Variants in DAAM1 observed in about 807,000 individuals in gnomAD.
DAAM1 encodes disheveled-associated activator of morphogenesis 1.
Under a neutral mutation model 130.0 loss-of-function variants are expected in DAAM1, and 52 were observed. That is an observed-to-expected ratio of 0.40 (90% CI 0.32 to 0.50). DAAM1 has a LOEUF of 0.50. Among genes scored for constraint, DAAM1 ranks in the 20% least tolerant of loss-of-function variants. The pLI is 0.61. For missense variants in DAAM1, 1,134 were observed against 1,303.8 expected (o/e 0.87, Z 2.01); for synonymous variants, 452 against 444.5 (o/e 1.02, Z -0.21).
chr14:59,232,633 C>T (rs1594770567), intron 1 of DAAM1, among the ~76,000 whole-genome samples: 1 of 146,694 alleles, frequency 6.8e-6, no homozygotes, highest in Non-Finnish European at 1.5e-5. Flanking sequence ...AAAATTTTCT[C>T]TTTTTTTTTT....
At position 59,263,481 on chromosome 14, in the gene DAAM1, G is replaced by A. The variant is rs751022396; in HGVS notation, c.4G>A (p.Ala2Thr). The A allele has an allele frequency of 3.1e-6, 5 of 1,614,182 alleles. No homozygotes were observed. The highest frequency in any genetic ancestry group is 2.2e-5 in the East Asian group (1 of 44,884). The change falls in exon 2 of 25, where the codon GCC becomes ACC. Residue 2 changes from alanine to threonine, a missense_variant. Coordinates refer to ENST00000360909, the MANE Select transcript of DAAM1 (RefSeq NM_001270520.2). M[A>T]PRKRGGRGIS... Reference sequence around the variant, plus strand: ...AGAAATAGAACAGAATTCAGCCATGGCCCCAAGAAAGAGAGGTGGACGAGG... The same window carrying A: ...AGAAATAGAACAGAATTCAGCCATGACCCCAAGAAAGAGAGGTGGACGAGG...
At position 59,363,608 on chromosome 14, in the gene DAAM1, T is replaced by C. The variant is rs1474644414; in HGVS notation, c.2695-43T>C. The C allele has an allele frequency of 1.9e-6, 3 of 1,612,726 alleles. No individual in the cohort carries two copies. In the South Asian group the frequency reaches 3.3e-5, roughly 18 times the overall value. ...TGAGACGAGGTGTGTCTCATGTCTGTATTTGAAGCCTGCATTGACATTATT... is the reference window on the plus strand; with the variant it reads ...TGAGACGAGGTGTGTCTCATGTCTGCATTTGAAGCCTGCATTGACATTATT... On this transcript the variant is annotated intron_variant, in intron 22 of 24. Transcript: ENST00000360909.
Position 59,331,497 on chromosome 14 carries a change from A to G in DAAM1, c.1849A>G (p.Lys617Glu), listed in dbSNP as rs1177003229. The G allele has an allele frequency of 6.3e-7, 1 of 1,597,124 alleles. No homozygotes were observed. The change falls in exon 14 of 25, where the codon AAA becomes GAA. Residue 617 changes from lysine (K) to glutamate (E), a missense_variant. By Grantham distance (56) the Lys-to-Glu change is moderately conservative. Coordinates refer to ENST00000360909, the MANE Select transcript of DAAM1 (RefSeq NM_001270520.2). ...TGCCCTGAAATCCTTCAACTGGTCT[A>G]AACTGCCCGAGGTGAGCCATTTGTT... Reference protein sequence around the residue: ...TNALKSFNWSKLPENKLEGTV... With the variant: ...TNALKSFNWSELPENKLEGTV...
intron 2 of DAAM1, among the ~76,000 whole-genome samples, chr14:59,289,776 A>ATATATATATATATATATG (rs1555360757): frequency 1.4e-5 from 2 of 143,512 alleles, no homozygotes; most frequent in African/African-American, 2.6e-5. Context: ...TGATATATAT[A>ATATATATATATATATATG]TATATATAAT....
chr14:59,267,065 T>C (rs1385184342), intron 2 of DAAM1, among the ~76,000 whole-genome samples: 1 of 152,214 alleles, frequency 6.6e-6, no homozygotes, highest in Admixed American at 6.5e-5. Flanking sequence ...TTCTAGTGTC[T>C]TCTAGACACA....
In DAAM1 at chr14:59,369,152, G is replaced by A. The variant is rs182651306; in HGVS notation, c.*293G>A. 465 of 269,832 alleles carry A rather than the reference G, an allele frequency of 1.7e-3. 1 individual carries two copies. The highest frequency in any genetic ancestry group is 2.5e-3 in the Non-Finnish European group (360 of 141,930). 16.7% of individuals were successfully genotyped at this position (269,832 alleles called of 1,614,324 possible). Reference sequence around the variant, plus strand: ...TGAGTGTGGCTCATTTTCTTTCCCCGAACGCCATGACTGTTCAGAAGCACA... The same window carrying A: ...TGAGTGTGGCTCATTTTCTTTCCCCAAACGCCATGACTGTTCAGAAGCACA... On this transcript the variant is annotated 3_prime_UTR_variant, in exon 25 of 25. Transcript: ENST00000360909.
intron 3 of DAAM1, among the ~76,000 whole-genome samples, chr14:59,308,072 C>A (rs1474601324): frequency 6.6e-6 from 1 of 152,186 alleles, no homozygotes; most frequent in Non-Finnish European, 1.5e-5. Flanking sequence ...TGAGGACTAT[C>A]AGGAGAGTGA....
At chr14:59,303,273 G>T (rs546872290) in intron 3 of DAAM1, among the ~76,000 whole-genome samples, 4 of 152,182 alleles carry the variant, frequency 2.6e-5, no homozygotes, top group Non-Finnish European at 5.9e-5. Context: ...GAGTTTCTTT[G>T]CAGAGTCTGA....
intron 15 of DAAM1, among the ~76,000 whole-genome samples, chr14:59,336,536 C>G (rs1403824137): frequency 2.6e-5 from 4 of 152,112 alleles, no homozygotes; most frequent in African/African-American, 2.4e-5. Context: ...AACTCATAAG[C>G]TTTATGATTT....
In DAAM1 at chr14:59,263,564, G is replaced by C. The variant is rs772990238; in HGVS notation, c.87G>C (p.Arg29=). ...ATGATCACCCAGAAATCACGTATCG[G>C]CTGCGAAATGATAGCAACTTTGCGC... The part of the protein sequence containing the change: ...RNNDHPEITY[R]LRNDSNFALQ... Residue 29 remains arginine, a synonymous_variant, in exon 2 of 25, where the codon CGG becomes CGC. Transcript: ENST00000360909. 3.5e-5 allele frequency: 57 copies of C among 1,614,162 alleles called. No homozygotes were observed. Among genetic ancestry groups the C allele is most frequent in the Non-Finnish European group, 3.6e-5 (43 of 1,180,030 alleles).
intron 1 of DAAM1, among the ~76,000 whole-genome samples, chr14:59,197,672 A>T (rs1010589147): frequency 6.6e-6 from 1 of 152,232 alleles, no homozygotes; most frequent in Non-Finnish European, 1.5e-5. Flanking sequence ...GTTTTTAAAA[A>T]TGTATATAGT....
At chr14:59,359,337 TTATG>T (rs1402110344) in intron 20 of DAAM1, 56 bp from the exon 21 acceptor site, 35 of 1,213,412 alleles carry the variant, frequency 2.9e-5, no homozygotes, top group Non-Finnish European at 4.0e-5. Flanking sequence ...ATTCATATAT[TTATG>T]TAGTTTAAAT....
At chr14:59,217,894 G>C (rs1388401648) in intron 1 of DAAM1, among the ~76,000 whole-genome samples, 4 of 151,954 alleles carry the variant, frequency 2.6e-5, no homozygotes, top group Admixed American at 1.3e-4. Flanking sequence ...GACTGAGGCA[G>C]GAAAATCACT....
intron 1 of DAAM1, among the ~76,000 whole-genome samples, chr14:59,232,102 G>A (rs976599696): frequency 2.0e-5 from 3 of 152,164 alleles, no homozygotes; most frequent in Admixed American, 1.3e-4. Flanking sequence ...TTCTCCAGCA[G>A]TGCTGCTGCT....
intron 16 of DAAM1, among the ~76,000 whole-genome samples, chr14:59,344,302 C>A (rs1453876492): frequency 5.3e-5 from 8 of 152,148 alleles, no homozygotes; most frequent in Non-Finnish European, 1.2e-4. Flanking sequence ...CTGGATGTTC[C>A]AATTCTCTTG....
intron 1 of DAAM1, among the ~76,000 whole-genome samples, chr14:59,214,447 C>G (rs1888517037): frequency 6.6e-6 from 1 of 152,226 alleles, no homozygotes; most frequent in Non-Finnish European, 1.5e-5. Context: ...TGTGGAAAAG[C>G]CAGATGTCTC....
At chr14:59,361,082 G>A (rs1314636791) in intron 22 of DAAM1, among the ~76,000 whole-genome samples, 1 of 152,162 alleles carries the variant, frequency 6.6e-6, no homozygotes, top group African/African-American at 2.4e-5. Flanking sequence ...ACTGCAGCAG[G>A]AACTGGAAAC....
chr14:59,370,971 C>G lies in DAAM1; in HGVS notation c.*2112C>G, dbSNP rs912811752. The G allele has an allele frequency of 6.6e-6, 1 of 151,976 alleles. No individual in the cohort carries two copies. The highest frequency in any genetic ancestry group is 2.4e-5 in the African/African-American group (1 of 41,400). The allele number at this position is 151,976 out of a possible 1,614,324, so 9.4% of individuals were successfully genotyped here. A position where few individuals can be genotyped will look rare whatever the true frequency, so the allele number is the denominator to read the frequency against. ...AAGGAGCAAGTTTGTGTAGCTGTCC[C>G]TCTTGCCCCTTTTAATCATCCTCCT... On this transcript the variant is annotated 3_prime_UTR_variant, in exon 25 of 25. Coordinates refer to ENST00000360909, the MANE Select transcript of DAAM1 (RefSeq NM_001270520.2).
At chr14:59,264,503 G>A (rs1252615781) in intron 2 of DAAM1, 1 of 152,162 alleles carries the variant, frequency 6.6e-6, no homozygotes, top group Non-Finnish European at 1.5e-5. Context: ...TTCTAGGTTT[G>A]ATATAATGTT....
Sources: gnomAD v4.1 joint callset for allele counts (sites outside exome capture counted in the v4.1 genomes callset) on GRCh38, gnomAD v4.1.1 for gene constraint, MANE v1.5 for transcripts, NCBI Gene and HGNC (gene_info 2026-07-23, HGNC 2026-07-21) for gene names.